Variants in ADAMTS3 observed in about 807,000 individuals in gnomAD.
ADAMTS3 encodes the protein ADAM metallopeptidase with thrombospondin type 1 motif 3.
A neutral mutation model predicts 129.0 loss-of-function variants in ADAMTS3; 73 were observed. The observed-to-expected ratio is 0.57, with a 90% CI of 0.47 to 0.69. ADAMTS3 has a LOEUF of 0.69. Ranked by LOEUF, ADAMTS3 falls within the 30% of genes least tolerant of loss-of-function variation. ADAMTS3 has a pLI of 0.00. For synonymous variants in ADAMTS3, 477 were observed against 510.8 expected, an observed-to-expected ratio of 0.93 and a Z score of 0.89; for missense variants, 1,457 against 1,514.5, an observed-to-expected ratio of 0.96 and a Z score of 0.63.
At chr4:72,310,486 G>T (rs573115798) in intron 14 of ADAMTS3, among the ~76,000 whole-genome samples, 16 of 151,710 alleles carry the variant, frequency 1.1e-4, no homozygotes, top group Non-Finnish European at 2.2e-4. Context: ...CAGTGTTTCA[G>T]TTAATAAGAT....
intron 3 of ADAMTS3, among the ~76,000 whole-genome samples, chr4:72,438,450 T>C (rs1276034710): frequency 2.0e-5 from 3 of 151,814 alleles, no homozygotes; most frequent in South Asian, 2.1e-4. Context: ...AATGTGTTTA[T>C]GTAAAATAAC....
chr4:72,358,576 ATAT>A (rs1180252888), intron 4 of ADAMTS3, among the ~76,000 whole-genome samples: 1 of 152,028 alleles, frequency 6.6e-6, no homozygotes, highest in African/African-American at 2.4e-5. Flanking sequence ...ATAGAATCAA[ATAT>A]TATAAACAAT....
At chr4:72,357,030 A>G (rs1295377718) in intron 4 of ADAMTS3, among the ~76,000 whole-genome samples, 1 of 151,978 alleles carries the variant, frequency 6.6e-6, no homozygotes, top group Non-Finnish European at 1.5e-5. Flanking sequence ...CAATAAGTAT[A>G]TACAAAGATT....
intron 3 of ADAMTS3, among the ~76,000 whole-genome samples, chr4:72,427,149 C>T (rs1235906094): frequency 6.6e-6 from 1 of 152,094 alleles, no homozygotes; most frequent in African/African-American, 2.4e-5. Context: ...GCTCTGAATG[C>T]ACTGGTACTA....
At chr4:72,514,034 C>T (rs559940365) in intron 3 of ADAMTS3, among the ~76,000 whole-genome samples, 4 of 152,236 alleles carry the variant, frequency 2.6e-5, no homozygotes, top group Non-Finnish European at 5.9e-5. Flanking sequence ...AGTAATCATT[C>T]TATTCTGTCC....
intron 12 of ADAMTS3, among the ~76,000 whole-genome samples, chr4:72,313,018 T>C (rs920301661): frequency 2.0e-5 from 3 of 152,150 alleles, no homozygotes; most frequent in African/African-American, 7.2e-5. Flanking sequence ...GGAAGGCAGG[T>C]ATGTGGCATC....
At chr4:72,455,531 G>A (rs1718525832) in intron 3 of ADAMTS3, among the ~76,000 whole-genome samples, 2 of 150,464 alleles carry the variant, frequency 1.3e-5, no homozygotes, top group South Asian at 4.2e-4. Context: ...TAGATGATGG[G>A]TTGATGGGTG....
intron 3 of ADAMTS3, among the ~76,000 whole-genome samples, chr4:72,424,554 T>C (rs1325457710): frequency 6.6e-6 from 1 of 152,104 alleles, no homozygotes; most frequent in Non-Finnish European, 1.5e-5. Flanking sequence ...TATTCAACTA[T>C]ACTAAAATGC....
chr4:72,291,560 T>A (rs1210996417), intron 19 of ADAMTS3, among the ~76,000 whole-genome samples: 2 of 152,044 alleles, frequency 1.3e-5, no homozygotes, highest in East Asian at 3.9e-4. Flanking sequence ...TTCATCCATG[T>A]CCCTACAAAG....
intron 3 of ADAMTS3, among the ~76,000 whole-genome samples, chr4:72,446,481 AG>A (rs1311413358): frequency 1.3e-5 from 2 of 151,638 alleles, no homozygotes; most frequent in Non-Finnish European, 3.0e-5. Context: ...GGCTTCTTCC[AG>A]GAAGGAAGGT....
At chr4:72,321,969 A>C (rs534779948) in intron 6 of ADAMTS3, among the ~76,000 whole-genome samples, 102 of 152,294 alleles carry the variant, frequency 6.7e-4, no homozygotes, top group African/African-American at 2.3e-3. Flanking sequence ...GTTCTGATGA[A>C]ATGAAAATTT....
chr4:72,373,938 T>C (rs1721077757), intron 4 of ADAMTS3, among the ~76,000 whole-genome samples: 1 of 87,968 alleles, frequency 1.1e-5, no homozygotes, highest in Non-Finnish European at 2.7e-5. Flanking sequence ...ATAATAATAA[T>C]AATAATAATA....
intron 3 of ADAMTS3, among the ~76,000 whole-genome samples, chr4:72,464,641 G>A (rs1407447550): frequency 1.3e-5 from 2 of 151,996 alleles, no homozygotes; most frequent in African/African-American, 4.8e-5. Flanking sequence ...TACCATCCTA[G>A]AGAAACTATA....
chr4:72,405,047 TGAG>T (rs960877444), intron 4 of ADAMTS3, among the ~76,000 whole-genome samples: 8 of 152,084 alleles, frequency 5.3e-5, no homozygotes, highest in South Asian at 2.1e-4. Context: ...AAATAAGTAT[TGAG>T]GAGATGTAGA....
rs1560564206 is a variant in ADAMTS3, at chr4:72,550,055, GA to G, written c.98-1172del. ...AGAAGAAGAAGAAGAGGAAGAGGAA[GA>G]GGAAGAGGAAGAGGAAGAGGAAGAG... On this transcript the variant is annotated intron_variant, in intron 2 of 21. Coordinates refer to ENST00000286657, the MANE Select transcript of ADAMTS3 (RefSeq NM_014243.3). Among the ~76,000 whole-genome samples the G allele has an allele frequency of 6.3e-4, 6 of 9,580 alleles. 2 individuals are homozygous for G. Among genetic ancestry groups the G allele is most frequent in the East Asian group, 5.2e-3 (2 of 384 alleles). The allele number at this position is 9,580 out of a possible 152,430, so 6.3% of individuals were successfully genotyped here. A position where few individuals can be genotyped will look rare whatever the true frequency, so the allele number is the denominator to read the frequency against.
intron 5 of ADAMTS3, among the ~76,000 whole-genome samples, chr4:72,324,902 C>T (rs1398999061): frequency 6.6e-6 from 1 of 152,120 alleles, no homozygotes; most frequent in African/African-American, 2.4e-5. Context: ...GAATGTCACA[C>T]ATTAATAGTC....
At chr4:72,542,410 C>T (rs529850539) in intron 3 of ADAMTS3, among the ~76,000 whole-genome samples, 9 of 152,154 alleles carry the variant, frequency 5.9e-5, no homozygotes, top group Admixed American at 2.6e-4. Flanking sequence ...GTGATCCGCC[C>T]GCCTCAGCCT....
At chr4:72,542,875 G>A (rs780335327) in intron 3 of ADAMTS3, among the ~76,000 whole-genome samples, 5 of 152,152 alleles carry the variant, frequency 3.3e-5, no homozygotes, top group Non-Finnish European at 5.9e-5. Flanking sequence ...AACTTTACTT[G>A]TTTGGAAACA....
intron 4 of ADAMTS3, among the ~76,000 whole-genome samples, chr4:72,393,128 G>A (rs1721642143): frequency 6.6e-6 from 1 of 152,048 alleles, no homozygotes; most frequent in South Asian, 2.1e-4. Flanking sequence ...GTTTCACCAT[G>A]TTGGTCAGGC....
Sources: gnomAD v4.1 joint callset for allele counts (sites outside exome capture counted in the v4.1 genomes callset) on GRCh38, gnomAD v4.1.1 for gene constraint, MANE v1.5 for transcripts, NCBI Gene and HGNC (gene_info 2026-07-23, HGNC 2026-07-21) for gene names.